PLD5: variants seen among roughly 807,000 people sequenced by gnomAD.
PLD5 encodes the protein phospholipase D family member 5, also known as inactive phospholipase D5.
In PLD5, 36 loss-of-function variants were observed where a neutral mutation model predicts 61.1. The ratio of observed to expected loss-of-function variants is 0.59; its 90% CI spans 0.45 to 0.78. The LOEUF (loss-of-function observed/expected upper bound fraction) is 0.78. Among genes scored for constraint, PLD5 ranks in the 30% least tolerant of loss-of-function variants. The probability of loss-of-function intolerance (pLI) is 0.00; values close to 1 mark genes in which losing one functional copy is unlikely to be tolerated. For missense variants in PLD5, 515 were observed against 644.4 expected (o/e 0.80, Z 2.17); for synonymous variants, 243 against 242.8 (o/e 1.00, Z -0.01).
chr1:242,294,336 T>C (rs2149146738), intron 2 of PLD5, among the ~76,000 whole-genome samples: 1 of 152,356 alleles, frequency 6.6e-6, no homozygotes, highest in East Asian at 1.9e-4. Context: ...ATTAATAGCA[T>C]GTATTTATTC....
chr1:242,207,904 T>A (rs1414889734), intron 5 of PLD5, among the ~76,000 whole-genome samples: 2 of 13,284 alleles, frequency 1.5e-4, no homozygotes, highest in African/African-American at 5.3e-4. Context: ...ATTTATATAT[T>A]TATATATATT....
At chr1:242,500,603 AACTAAGGC>A (rs1265373594) in intron 1 of PLD5, among the ~76,000 whole-genome samples, 1 of 152,214 alleles carries the variant, frequency 6.6e-6, no homozygotes, top group Non-Finnish European at 1.5e-5. Flanking sequence ...TGCAGTCAGT[AACTAAGGC>A]ACTACAGCAG....
At chr1:242,436,513 A>G (rs562024867) in intron 1 of PLD5, among the ~76,000 whole-genome samples, 1 of 152,210 alleles carries the variant, frequency 6.6e-6, no homozygotes, top group Non-Finnish European at 1.5e-5. Context: ...CAACACAACT[A>G]TGTTAATTAT....
intron 1 of PLD5, among the ~76,000 whole-genome samples, chr1:242,519,727 C>G (rs1217125063): frequency 2.0e-5 from 3 of 152,180 alleles, no homozygotes; most frequent in Non-Finnish European, 2.9e-5. Context: ...AAGGGCCCCA[C>G]TAGCCAAGAA....
chr1:242,199,993 A>C (rs908589835), intron 5 of PLD5, among the ~76,000 whole-genome samples: 1 of 152,186 alleles, frequency 6.6e-6, no homozygotes, highest in Non-Finnish European at 1.5e-5. Context: ...TAGAGATGCA[A>C]ATTGCCCAGA....
chr1:242,174,784 C>A (rs1329189051), intron 5 of PLD5, among the ~76,000 whole-genome samples: 1 of 151,862 alleles, frequency 6.6e-6, no homozygotes, highest in Non-Finnish European at 1.5e-5. Flanking sequence ...TCATTCTCAG[C>A]AAACTATCAC....
At chr1:242,347,839 T>C (rs1660227154) in intron 2 of PLD5, among the ~76,000 whole-genome samples, 2 of 152,188 alleles carry the variant, frequency 1.3e-5, no homozygotes, top group South Asian at 4.1e-4. Flanking sequence ...TCATATACAG[T>C]GGTCTCCAGA....
chr1:242,263,455 A>G (rs1349876211), intron 4 of PLD5, among the ~76,000 whole-genome samples: 2 of 150,924 alleles, frequency 1.3e-5, no homozygotes, highest in African/African-American at 4.9e-5. Context: ...ATCATTTAAT[A>G]TATGTCTACC....
intron 1 of PLD5, among the ~76,000 whole-genome samples, chr1:242,478,606 G>A (rs896239090): frequency 1.3e-5 from 2 of 152,154 alleles, no homozygotes; most frequent in African/African-American, 4.8e-5. Context: ...AACATAAAAG[G>A]CATCATCTGT....
chr1:242,490,370 C>G (rs574508340), intron 1 of PLD5, among the ~76,000 whole-genome samples: 5 of 152,254 alleles, frequency 3.3e-5, no homozygotes, highest in African/African-American at 1.2e-4. Flanking sequence ...TAAAATAAAC[C>G]AAATACCATT....
At chr1:242,303,890 C>G (rs569634183) in intron 2 of PLD5, among the ~76,000 whole-genome samples, 2 of 152,298 alleles carry the variant, frequency 1.3e-5, no homozygotes, top group South Asian at 2.1e-4. Flanking sequence ...CCTCTAGTGT[C>G]TTGAATCTCA....
At chr1:242,371,642 A>C (rs1661638598) in intron 1 of PLD5, among the ~76,000 whole-genome samples, 1 of 151,600 alleles carries the variant, frequency 6.6e-6, no homozygotes, top group Admixed American at 6.6e-5. Context: ...TGACACCCAA[A>C]CCTCCTCTTG....
At chr1:242,475,553 C>T (rs1443275529) in intron 1 of PLD5, among the ~76,000 whole-genome samples, 2 of 152,122 alleles carry the variant, frequency 1.3e-5, no homozygotes, top group Non-Finnish European at 2.9e-5. Context: ...AGATATCCCG[C>T]CCAAAACAGT....
At chr1:242,294,941 A>T (rs988389585) in intron 2 of PLD5, among the ~76,000 whole-genome samples, 2 of 152,180 alleles carry the variant, frequency 1.3e-5, no homozygotes, top group African/African-American at 4.8e-5. Flanking sequence ...TTTGTTGCCT[A>T]ATGCACTGGA....
At chr1:242,188,423 G>A (rs1454335656) in intron 5 of PLD5, among the ~76,000 whole-genome samples, 2 of 152,120 alleles carry the variant, frequency 1.3e-5, no homozygotes, top group Non-Finnish European at 2.9e-5. Flanking sequence ...AAAGAACTTG[G>A]GCAAAGAGAT....
chr1:242,190,067 T>C (rs2148925490), intron 5 of PLD5, among the ~76,000 whole-genome samples: 1 of 151,290 alleles, frequency 6.6e-6, no homozygotes, highest in Non-Finnish European at 1.5e-5. Context: ...TCTCCTCCTT[T>C]ACTTAGTGAA....
At chr1:242,389,491 T>C (rs2149263035) in intron 1 of PLD5, among the ~76,000 whole-genome samples, 1 of 152,100 alleles carries the variant, frequency 6.6e-6, no homozygotes, top group East Asian at 1.9e-4. Context: ...ACACATGGTG[T>C]CTAATAAAAT....
intron 1 of PLD5, among the ~76,000 whole-genome samples, chr1:242,521,467 A>T (rs1454091180): frequency 1.3e-5 from 2 of 152,100 alleles, no homozygotes; most frequent in African/African-American, 2.4e-5. Context: ...ACACTGCCAC[A>T]TTTCATTTCA....
chr1:242,449,614 G>T (rs1666699334), intron 1 of PLD5: 1 of 1,061,292 alleles, frequency 9.4e-7, no homozygotes, highest in Admixed American at 3.1e-5. Flanking sequence ...AAAAACATAG[G>T]CCCCTCATTT....
Sources: gnomAD v4.1 joint callset for allele counts (sites outside exome capture counted in the v4.1 genomes callset) on GRCh38, gnomAD v4.1.1 for gene constraint, MANE v1.5 for transcripts, NCBI Gene and HGNC (gene_info 2026-07-23, HGNC 2026-07-21) for gene names.